Variants in DIAPH2 observed in about 807,000 individuals in gnomAD.
The protein encoded by DIAPH2 is protein diaphanous homolog 2.
Under a neutral mutation model 92.7 loss-of-function variants are expected in DIAPH2, and 35 were observed. The observed-to-expected ratio is 0.38, with a 90% CI of 0.29 to 0.50. The LOEUF (loss-of-function observed/expected upper bound fraction) is 0.50. Among genes scored for constraint, DIAPH2 ranks in the 20% least tolerant of loss-of-function variants. The probability of loss-of-function intolerance (pLI) is 0.94; values close to 1 mark genes in which losing one functional copy is unlikely to be tolerated. For synonymous variants in DIAPH2, 301 were observed against 280.4 expected (o/e 1.07, Z -0.73); for missense variants, 701 against 819.5 (o/e 0.86, Z 1.77).
intron 22 of DIAPH2, among the ~76,000 whole-genome samples, chrX:97,156,934 A>G (rs1248365286): frequency 8.9e-6 from 1 of 111,871 alleles, no homozygotes; most frequent in Non-Finnish European, 1.9e-5. Flanking sequence ...TGTCAGAGGT[A>G]TTTGAACCAG....
intron 4 of DIAPH2, among the ~76,000 whole-genome samples, chrX:96,864,525 TG>T (rs1338109980): frequency 8.9e-6 from 1 of 112,029 alleles, no homozygotes; most frequent in East Asian, 2.8e-4. Context: ...GAATATTATT[TG>T]GCATACATAT....
At chrX:96,725,576 C>T (rs1030959895) in intron 1 of DIAPH2, among the ~76,000 whole-genome samples, 6 of 111,354 alleles carry the variant, frequency 5.4e-5, no homozygotes, top group Non-Finnish European at 1.1e-4. Flanking sequence ...AGAAGTTTGT[C>T]TGCTTTCACT....
In DIAPH2 at chrX:97,020,328, G is replaced by A. The variant is rs947143194; in HGVS notation, c.2051-52613G>A. Among the ~76,000 whole-genome samples, 3 of 111,901 alleles carry A rather than the reference G, an allele frequency of 2.7e-5. No individual in the cohort carries two copies. The South Asian group carries it at 1.1e-3, about 42-fold the overall frequency. On this transcript the variant is annotated intron_variant, in intron 17 of 26. Transcript: ENST00000324765. Reference sequence around the variant, plus strand: ...TGTGTGCATGTGTGTGTGCATGTAGGTATATCTTATGGAACTTGCTTCTAA... The same window carrying A: ...TGTGTGCATGTGTGTGTGCATGTAGATATATCTTATGGAACTTGCTTCTAA...
chrX:97,336,375 A>G (rs1328217683), intron 23 of DIAPH2, among the ~76,000 whole-genome samples: 2 of 106,742 alleles, frequency 1.9e-5, no homozygotes, highest in Non-Finnish European at 3.8e-5. Flanking sequence ...CCTCCCGAGT[A>G]GCTGGGACTA....
At chrX:97,511,102 G>A (rs2070887628) in intron 26 of DIAPH2, among the ~76,000 whole-genome samples, 1 of 100,877 alleles carries the variant, frequency 9.9e-6, no homozygotes, top group Non-Finnish European at 2.0e-5. Context: ...ACCTTGGGAA[G>A]TATGGCCATT....
At chrX:96,812,388 G>T (rs1366037653) in intron 4 of DIAPH2, among the ~76,000 whole-genome samples, 4 of 111,099 alleles carry the variant, frequency 3.6e-5, no homozygotes, top group Non-Finnish European at 7.5e-5. Flanking sequence ...ATTTTTTATT[G>T]CATCTATTCA....
chrX:97,387,426 A>T (rs1194263604), intron 25 of DIAPH2, among the ~76,000 whole-genome samples: 2 of 112,377 alleles, frequency 1.8e-5, no homozygotes, highest in Admixed American at 1.9e-4. Flanking sequence ...GAAGCTGGCA[A>T]GTTTAAAATC....
intron 26 of DIAPH2, among the ~76,000 whole-genome samples, chrX:97,558,763 T>G (rs1231780823): frequency 2.7e-5 from 3 of 111,802 alleles, no homozygotes; most frequent in African/African-American, 9.8e-5. Context: ...TTCTTTCAAA[T>G]AAATATTATG....
chrX:97,070,277 A>G (rs951692269), intron 17 of DIAPH2, among the ~76,000 whole-genome samples: 1 of 111,505 alleles, frequency 9.0e-6, no homozygotes, highest in African/African-American at 3.2e-5. Flanking sequence ...GCAATTGATG[A>G]TAAAATCAAT....
At chrX:96,956,485 C>T (rs2065811205) in intron 15 of DIAPH2, among the ~76,000 whole-genome samples, 1 of 112,174 alleles carries the variant, frequency 8.9e-6, no homozygotes, top group Non-Finnish European at 1.9e-5. Flanking sequence ...TTGAATTTCT[C>T]CCCAGAAAAC....
intron 9 of DIAPH2, among the ~76,000 whole-genome samples, chrX:96,923,638 T>A (rs1004392921): frequency 2.7e-5 from 3 of 111,607 alleles, no homozygotes; most frequent in Non-Finnish European, 5.6e-5. Flanking sequence ...GGGAGAGAGT[T>A]TATTCCAGAA....
intron 26 of DIAPH2, among the ~76,000 whole-genome samples, chrX:97,462,314 A>G (rs1168306660): frequency 8.9e-6 from 1 of 112,432 alleles, no homozygotes; most frequent in East Asian, 2.8e-4. Flanking sequence ...TGAGCTGTGT[A>G]GTTCATATGA....
At chrX:96,818,574 C>A (rs1423521647) in intron 4 of DIAPH2, among the ~76,000 whole-genome samples, 1 of 111,845 alleles carries the variant, frequency 8.9e-6, no homozygotes, top group Non-Finnish European at 1.9e-5. Context: ...TAAAATTATT[C>A]AGATCATCAG....
At chrX:97,492,386 A>G (rs2070730949) in intron 26 of DIAPH2, among the ~76,000 whole-genome samples, 2 of 111,609 alleles carry the variant, frequency 1.8e-5, no homozygotes, top group Admixed American at 1.9e-4. Flanking sequence ...ATGCCACTGC[A>G]GTCTAGCCTA....
chrX:96,861,250 A>C (rs2065070732), intron 4 of DIAPH2, among the ~76,000 whole-genome samples: 1 of 111,408 alleles, frequency 9.0e-6, no homozygotes, highest in African/African-American at 3.3e-5. Flanking sequence ...GTAAAGTAAA[A>C]ATTATAAGGA....
chrX:97,018,889 C>G (rs910494165), intron 17 of DIAPH2, among the ~76,000 whole-genome samples: 6 of 111,610 alleles, frequency 5.4e-5, no homozygotes, highest in African/African-American at 2.0e-4. Context: ...TAAAAATCTT[C>G]CGTGCCCTAC....
chrX:96,985,098 A>G (rs2066022331), intron 17 of DIAPH2, among the ~76,000 whole-genome samples: 1 of 111,571 alleles, frequency 9.0e-6, no homozygotes, highest in Non-Finnish European at 1.9e-5. Flanking sequence ...TGTCAGTTGT[A>G]TAACTGGCAG....
At position 97,141,675 on chromosome X, in the gene DIAPH2, C is replaced by T. The variant is rs1176978187; in HGVS notation, c.2600C>T (p.Thr867Ile). The T allele has an allele frequency of 5.8e-6, 7 of 1,196,879 alleles. No homozygotes were observed. The highest frequency in any genetic ancestry group is 7.9e-6 in the Non-Finnish European group (7 of 890,710). ...GTTGTTTTCTCCCAGATCAGAGATA[C>T]TAAATCAGCGGATCAAAAAACAACC... ...KINFLCKIRD[T>I]KSADQKTTLL... Residue 867 changes from threonine (T) to isoleucine (I), a missense_variant, in exon 22 of 27, where the codon ACT (threonine) becomes ATT (isoleucine). Physicochemically the swap from Thr to Ile is moderately conservative, Grantham distance 89. This residue lies in a region of DIAPH2 where 536 missense variants were observed against 599.3 expected (regional missense o/e 0.89). Coordinates refer to ENST00000324765, the MANE Select transcript of DIAPH2 (RefSeq NM_006729.5).
chrX:96,914,456 A>G (rs1213885403), intron 7 of DIAPH2, among the ~76,000 whole-genome samples: 1 of 111,547 alleles, frequency 9.0e-6, no homozygotes, highest in Non-Finnish European at 1.9e-5. Flanking sequence ...TATATAGTTC[A>G]TGCTTTGTTC....
Sources: gnomAD v4.1 joint callset for allele counts (sites outside exome capture counted in the v4.1 genomes callset) on GRCh38, gnomAD v4.1.1 for gene constraint, gnomAD v4.1.1 regional missense constraint, MANE v1.5 for transcripts, NCBI Gene and HGNC (gene_info 2026-07-23, HGNC 2026-07-21) for gene names.